The following STAU2 variants were observed in gnomAD, a reference collection of about 807,000 sequenced individuals.
STAU2 encodes staufen double-stranded RNA binding protein 2.
A neutral mutation model predicts 65.9 loss-of-function variants in STAU2; 20 were observed. The observed-to-expected ratio is 0.30, with a 90% CI of 0.21 to 0.44. STAU2 has a LOEUF of 0.44. Among genes scored for constraint, STAU2 ranks in the 20% least tolerant of loss-of-function variants. The pLI, the probability that STAU2 is intolerant of heterozygous loss-of-function variation, is 1.00. For synonymous variants in STAU2, 232 were observed against 233.9 expected (o/e 0.99, Z 0.07); for missense variants, 558 against 683.9 (o/e 0.82, Z 2.05).
At chr8:73,656,799 C>G (rs1288265383) in intron 6 of STAU2, among the ~76,000 whole-genome samples, 3 of 152,134 alleles carry the variant, frequency 2.0e-5, no homozygotes, top group East Asian at 1.9e-4. Context: ...ACATTTCAGG[C>G]TTAAACAAAA....
chr8:73,461,153 A>G (rs906143440), intron 13 of STAU2, among the ~76,000 whole-genome samples: 1 of 152,202 alleles, frequency 6.6e-6, no homozygotes, highest in African/African-American at 2.4e-5. Flanking sequence ...TACCCCTCTA[A>G]GTCTCAGTTT....
At chr8:73,435,009 A>T (rs1817587626) in intron 13 of STAU2, among the ~76,000 whole-genome samples, 1 of 151,744 alleles carries the variant, frequency 6.6e-6, no homozygotes, top group African/African-American at 2.4e-5. Flanking sequence ...TGTGAACCCC[A>T]ACCCAGGAGA....
chr8:73,622,376 C>CG (rs1813329169), intron 6 of STAU2, among the ~76,000 whole-genome samples: 1 of 152,108 alleles, frequency 6.6e-6, no homozygotes, highest in South Asian at 2.1e-4. Context: ...CCGCCCGCCT[C>CG]GGCCTCTCAA....
At chr8:73,559,916 T>C (rs373287961) in intron 12 of STAU2, among the ~76,000 whole-genome samples, 21 of 151,814 alleles carry the variant, frequency 1.4e-4, no homozygotes, top group East Asian at 5.8e-4. Context: ...ATATAAACTC[T>C]TGTGGAAAAC....
rs781215714 is a variant in STAU2, at chr8:73,595,189, T to C, written c.1138A>G (p.Asn380Asp). ...ACCTTCTCAAGTTGATCCTGAAGAT[T>C]AGTGGATGCTTTATAACCAAGTTGT... ...LLQLGYKAST[N>D]LQDQLEKTGE... Residue 380 changes from asparagine (N) to aspartate (D), a missense_variant, in exon 11 of 15, where the codon AAT (asparagine) becomes GAT (aspartate). Physicochemically the swap from Asn to Asp is conservative, Grantham distance 23. Transcript: ENST00000524300. 1 of 1,606,980 alleles carries C rather than the reference T, an allele frequency of 6.2e-7. No individual in the cohort carries two copies. The highest frequency in any genetic ancestry group is 1.1e-5 in the South Asian group (1 of 89,316).
At chr8:73,614,379 C>G (rs1251984374) in intron 8 of STAU2, among the ~76,000 whole-genome samples, 1 of 152,096 alleles carries the variant, frequency 6.6e-6, no homozygotes, top group African/African-American at 2.4e-5. Context: ...ACGAGTAGTT[C>G]TATAAACCAC....
intron 6 of STAU2, among the ~76,000 whole-genome samples, chr8:73,645,904 A>C (rs930195823): frequency 6.6e-6 from 1 of 152,168 alleles, no homozygotes; most frequent in Non-Finnish European, 1.5e-5. Flanking sequence ...ATGGTGCTAA[A>C]CCATTCATGA....
intron 4 of STAU2, among the ~76,000 whole-genome samples, chr8:73,705,463 T>A (rs1489255267): frequency 6.6e-6 from 1 of 152,140 alleles, no homozygotes; most frequent in East Asian, 1.9e-4. Context: ...CAACAAATTA[T>A]CAGAATAGGA....
chr8:73,529,859 G>A (rs1261192453), intron 13 of STAU2, among the ~76,000 whole-genome samples: 2 of 152,156 alleles, frequency 1.3e-5, no homozygotes, highest in East Asian at 3.8e-4. Flanking sequence ...TTCTTCCACC[G>A]TAATTCTTAG....
chr8:73,594,683 G>A (rs1249394965), intron 11 of STAU2, among the ~76,000 whole-genome samples: 16 of 152,098 alleles, frequency 1.1e-4, no homozygotes, highest in South Asian at 2.1e-4. Flanking sequence ...CACAGGTCTT[G>A]GCAGAAAATA....
At chr8:73,581,325 T>A (rs1245202166) in intron 12 of STAU2, among the ~76,000 whole-genome samples, 1 of 152,206 alleles carries the variant, frequency 6.6e-6, no homozygotes, top group African/African-American at 2.4e-5. Context: ...TGAATGTAAC[T>A]ATTCAATAAT....
chr8:73,628,585 A>G (rs935738017), intron 6 of STAU2, among the ~76,000 whole-genome samples: 2 of 152,172 alleles, frequency 1.3e-5, no homozygotes, highest in African/African-American at 4.8e-5. Flanking sequence ...AAATCTCTCA[A>G]GTCCTTCCCA....
intron 13 of STAU2, among the ~76,000 whole-genome samples, chr8:73,509,479 G>A (rs1305468300): frequency 1.3e-5 from 2 of 152,078 alleles, no homozygotes; most frequent in Non-Finnish European, 2.9e-5. Context: ...ATTTTTAAAA[G>A]CAGAGGGTCA....
intron 3 of STAU2, among the ~76,000 whole-genome samples, chr8:73,730,838 C>T (rs1184590826): frequency 6.6e-6 from 1 of 151,636 alleles, no homozygotes; most frequent in Non-Finnish European, 1.5e-5. Context: ...TGTTGAGGTC[C>T]TCTAGTCCCT....
At chr8:73,718,011 AC>A (rs1414720484) in intron 3 of STAU2, among the ~76,000 whole-genome samples, 8 of 152,240 alleles carry the variant, frequency 5.3e-5, no homozygotes. Flanking sequence ...AAAAGGATAC[AC>A]AGTCACTTCT....
In STAU2 at chr8:73,739,879, G is replaced by C; in HGVS notation, c.-196-11C>G. ...TGTGGTAGGCAGCCTCTAACAAATA[G>C]AATATAGCAGAAATAATGAGATACC... On this transcript the variant is annotated splice_polypyrimidine_tract_variant and intron_variant, in intron 1 of 14. Coordinates refer to ENST00000524300, the MANE Select transcript of STAU2 (RefSeq NM_001164380.2). 1.1e-6 allele frequency: 1 copy of C among 916,098 alleles called. No homozygotes were observed. The highest frequency in any genetic ancestry group is 2.6e-5 in the East Asian group (1 of 38,166). The allele number at this position is 916,098 out of a possible 1,614,324, so 56.7% of individuals were successfully genotyped here.
rs1806709205 is a variant in STAU2 at position 73,739,785 on chromosome 8, G to C, written c.-113C>G. ...TGAGCCTTGGTTCAAATTACTTTGTGTATCTTTGAGTTCTTCTTTTTCTGT... is the reference window on the plus strand; with the variant it reads ...TGAGCCTTGGTTCAAATTACTTTGTCTATCTTTGAGTTCTTCTTTTTCTGT... On this transcript the variant is annotated 5_prime_UTR_variant, in exon 2 of 15. Transcript: ENST00000524300. The C allele has an allele frequency of 6.6e-7, 1 of 1,522,914 alleles. No homozygotes were observed. The highest frequency in any genetic ancestry group is 1.4e-5 in the African/African-American group (1 of 72,090). The allele number at this position is 1,522,914 out of a possible 1,614,324, so 94.3% of individuals were successfully genotyped here. A position where few individuals can be genotyped will look rare whatever the true frequency, so the allele number is the denominator to read the frequency against.
chr8:73,658,322 C>T (rs910663996), intron 6 of STAU2, among the ~76,000 whole-genome samples: 3 of 151,778 alleles, frequency 2.0e-5, no homozygotes, highest in Non-Finnish European at 4.4e-5. Context: ...GAGCGAAGAT[C>T]GTGCTATTGC....
intron 6 of STAU2, among the ~76,000 whole-genome samples, chr8:73,635,947 C>T (rs1298079234): frequency 2.6e-5 from 2 of 75,804 alleles, no homozygotes; most frequent in Admixed American, 2.5e-4. Flanking sequence ...CACACACACA[C>T]ACACCCCTGG....
Sources: gnomAD v4.1 joint callset for allele counts (sites outside exome capture counted in the v4.1 genomes callset) on GRCh38, gnomAD v4.1.1 for gene constraint, MANE v1.5 for transcripts, NCBI Gene and HGNC (gene_info 2026-07-23, HGNC 2026-07-21) for gene names.